Variants in PRPF18 observed in about 807,000 individuals in gnomAD.
PRPF18 encodes the protein pre-mRNA-splicing factor 18.
A neutral mutation model predicts 46.5 loss-of-function variants in PRPF18; 38 were observed. That is an observed-to-expected ratio of 0.82 (90% confidence interval 0.63 to 1.07). The LOEUF is 1.07. PRPF18 is among the 50% of genes least tolerant of loss of function. The pLI is 0.00. For missense variants in PRPF18, 263 were observed against 410.0 expected, an observed-to-expected ratio of 0.64 and a Z score of 3.10; for synonymous variants, 152 against 146.7, an observed-to-expected ratio of 1.04 and a Z score of -0.26.
chr10:13,598,683 A>T (rs889212414), intron 2 of PRPF18, among the ~76,000 whole-genome samples: 4 of 152,218 alleles, frequency 2.6e-5, no homozygotes, highest in African/African-American at 9.6e-5. Flanking sequence ...CTTAATTAGA[A>T]ATGAAAATAA....
At chr10:13,633,235 G>C (rs1281196360), downstream of PRPF18, among the ~76,000 whole-genome samples, 1 of 152,206 alleles carries the variant, frequency 6.6e-6, no homozygotes, top group Non-Finnish European at 1.5e-5. Flanking sequence ...GCAGGCAGCT[G>C]TCGCTAAGAA....
chr10:13,600,861 C>G (rs889787028), intron 3 of PRPF18, among the ~76,000 whole-genome samples: 4 of 152,184 alleles, frequency 2.6e-5, no homozygotes, highest in Non-Finnish European at 5.9e-5. Context: ...ACTGCAATCT[C>G]TGCCTCCCGG....
chr10:13,590,327 C>T (rs184296531), intron 1 of PRPF18, among the ~76,000 whole-genome samples: 2 of 151,434 alleles, frequency 1.3e-5, no homozygotes, highest in South Asian at 2.1e-4. Context: ...GACATTCGGC[C>T]GGGCGCGGTG....
chr10:13,616,299 G>T, intron 8 of PRPF18, 99 bp from the exon 9 acceptor site: 3 of 1,301,834 alleles, frequency 2.3e-6, no homozygotes, highest in South Asian at 1.5e-5. Context: ...AAAGGTGGAC[G>T]AAAATTACAT....
chr10:13,612,357 C>T (rs1295836169), intron 6 of PRPF18, among the ~76,000 whole-genome samples: 1 of 152,188 alleles, frequency 6.6e-6, no homozygotes, highest in East Asian at 1.9e-4. Context: ...GCTGCAACCA[C>T]TGCTTCCTGG....
the PRPF18 span, chr10:13,654,376 T>C: frequency 1.6e-6 from 2 of 1,271,504 alleles, no homozygotes; most frequent in Non-Finnish European, 2.3e-6. Context: ...ATGACACTCT[T>C]TCGAGCTGAC....
intron 8 of PRPF18, among the ~76,000 whole-genome samples, chr10:13,615,773 T>C (rs564960498): frequency 6.6e-6 from 1 of 151,982 alleles, no homozygotes; most frequent in Admixed American, 6.5e-5. Context: ...TTGTGGCTGT[T>C]CTTTAACGGT....
In PRPF18 at chr10:13,629,769, G is replaced by C. The variant is rs143912821; in HGVS notation, c.949-491G>C. ...TGACCACAGAACACAGAAAATAATT[G>C]GAGTGTATTTTCTCAGTCCTCCAAA... On this transcript the variant is annotated intron_variant, in intron 9 of 9. Coordinates refer to ENST00000378572, the MANE Select transcript of PRPF18 (RefSeq NM_003675.4). Among the ~76,000 whole-genome samples, 421 of 152,228 alleles carry C rather than the reference G, an allele frequency of 2.8e-3. 4 individuals carry two copies. Among genetic ancestry groups the C allele is most frequent in the Middle Eastern group, 0.01 (3 of 294 alleles).
downstream of PRPF18, chr10:13,631,937 A>T (rs1268053010): frequency 6.6e-6 from 1 of 152,350 alleles, no homozygotes; most frequent in Non-Finnish European, 1.5e-5. Flanking sequence ...CCTAGACAGG[A>T]TCGTTTCTGA....
chr10:13,590,269 G>A (rs1476719021), intron 1 of PRPF18, among the ~76,000 whole-genome samples: 1 of 151,484 alleles, frequency 6.6e-6, no homozygotes, highest in Non-Finnish European at 1.5e-5. Context: ...CAATCACAGA[G>A]CAGTTCAGAC....
the PRPF18 span, among the ~76,000 whole-genome samples, chr10:13,650,556 C>CT: frequency 6.6e-6 from 1 of 152,180 alleles, no homozygotes; most frequent in Admixed American, 6.5e-5. Context: ...ATCGCCCTCC[C>CT]ATACCGGGGG....
the PRPF18 span, chr10:13,639,502 G>A: frequency 2.8e-5 from 4 of 143,174 alleles, no homozygotes; most frequent in East Asian, 4.4e-4. Flanking sequence ...GGCAACTCAC[G>A]TTACACTAAC....
chr10:13,654,862 C>T, the PRPF18 span: 2 of 313,194 alleles, frequency 6.4e-6, no homozygotes, highest in African/African-American at 4.4e-5. Context: ...ATCTGATGTC[C>T]CCATAGTCCT....
intron 3 of PRPF18, among the ~76,000 whole-genome samples, chr10:13,604,356 T>C (rs1396307720): frequency 6.6e-6 from 1 of 152,204 alleles, no homozygotes; most frequent in African/African-American, 2.4e-5. Flanking sequence ...CTTTTTAAAA[T>C]GACATACATA....
chr10:13,591,783 G>C (rs1589115823), intron 1 of PRPF18: 1 of 1,428,186 alleles, frequency 7.0e-7, no homozygotes, highest in African/African-American at 1.4e-5. Context: ...CTCGATTGAG[G>C]ACCAGAGGTC....
At chr10:13,644,485 G>T in the PRPF18 span, 1 of 152,188 alleles carries the variant, frequency 6.6e-6, no homozygotes, top group African/African-American at 2.4e-5. Context: ...AGACTATCAT[G>T]ATGTTTGTTG....
chr10:13,591,009 G>T (rs1159128456), intron 1 of PRPF18, among the ~76,000 whole-genome samples: 1 of 152,196 alleles, frequency 6.6e-6, no homozygotes, highest in African/African-American at 2.4e-5. Context: ...CGGTTAATTA[G>T]TGCACAAGGC....
chr10:13,608,698 T>C (rs1419192513), intron 4 of PRPF18, among the ~76,000 whole-genome samples: 2 of 152,214 alleles, frequency 1.3e-5, no homozygotes, highest in African/African-American at 2.4e-5. Context: ...GTACTTACTG[T>C]TTTTCGCTAT....
chr10:13,608,112 G>A (rs1462628651), intron 4 of PRPF18, among the ~76,000 whole-genome samples: 1 of 152,178 alleles, frequency 6.6e-6, no homozygotes, highest in Non-Finnish European at 1.5e-5. Flanking sequence ...TACCAAATCT[G>A]TTTTTGGTGA....
Sources: allele counts gnomAD v4.1 joint callset (sites outside exome capture counted in the v4.1 genomes callset), GRCh38; gene constraint gnomAD v4.1.1; transcripts MANE v1.5; gene names NCBI Gene and HGNC (gene_info 2026-07-23, HGNC 2026-07-21).